The following TOM1L1 variants were observed in gnomAD, a reference collection of about 807,000 sequenced individuals.
TOM1L1 encodes the protein TOM1-like protein 1.
A neutral mutation model predicts 63.4 loss-of-function variants in TOM1L1; 64 were observed. The observed-to-expected ratio is 1.01, with a 90% CI of 0.83 to 1.24. The LOEUF is 1.24. Ranked by LOEUF, TOM1L1 falls within the 50% of genes most tolerant of loss-of-function variation. The pLI is 0.00. For synonymous variants in TOM1L1, 166 were observed against 194.4 expected (o/e 0.85, Z 1.22); for missense variants, 536 against 567.0 (o/e 0.95, Z 0.55).
rs558121231 is a variant in TOM1L1 at position 54,914,584 on chromosome 17, C to T, written c.499-55C>T. The T allele has an allele frequency of 2.6e-5, 38 of 1,441,228 alleles. No individual in the cohort carries two copies. The East Asian group carries it at 3.9e-4, about 15-fold the overall frequency. 89.3% of individuals were successfully genotyped at this position (1,441,228 alleles called of 1,614,324 possible). A position where few individuals can be genotyped will look rare whatever the true frequency, so the allele number is the denominator to read the frequency against. On this transcript the variant is annotated intron_variant, in intron 5 of 15. Coordinates refer to ENST00000575882, the MANE Select transcript of TOM1L1 (RefSeq NM_005486.3). Reference sequence around the variant, plus strand: ...AGTTAGCTGAATGGAAAAAACTTGGCGTTGGGTGGCTATGTTAATTCACAT... The same window carrying T: ...AGTTAGCTGAATGGAAAAAACTTGGTGTTGGGTGGCTATGTTAATTCACAT...
At chr17:54,961,009 A>T in intron 15 of TOM1L1, 1 of 563,120 alleles carries the variant, frequency 1.8e-6, no homozygotes, top group Non-Finnish European at 3.1e-6. Context: ...AATTTTTCCT[A>T]TTTTCAGCAC....
chr17:54,908,667 G>A (rs1358287304), intron 3 of TOM1L1, among the ~76,000 whole-genome samples: 1 of 152,124 alleles, frequency 6.6e-6, no homozygotes, highest in African/African-American at 2.4e-5. Context: ...ACCATCAGTC[G>A]GTGGAGCAGT....
At chr17:54,910,544 G>A (rs542295926) in intron 3 of TOM1L1, among the ~76,000 whole-genome samples, 7 of 152,300 alleles carry the variant, frequency 4.6e-5, no homozygotes, top group South Asian at 2.1e-4. Flanking sequence ...AGGTATTTGC[G>A]TAAGACGGTA....
At chr17:54,939,162 C>A in intron 11 of TOM1L1, 142 bp downstream of exon 11, 1 of 496,244 alleles carries the variant, frequency 2.0e-6, no homozygotes, top group Non-Finnish European at 3.4e-6. Context: ...TCACTTGAGC[C>A]CAGGAGTTTG....
At chr17:54,913,194 G>A (rs1327336358) in intron 4 of TOM1L1, among the ~76,000 whole-genome samples, 2 of 152,184 alleles carry the variant, frequency 1.3e-5, no homozygotes, top group African/African-American at 2.4e-5. Flanking sequence ...AAAAACAATT[G>A]ATAGTATATA....
chr17:54,917,424 A>G lies in TOM1L1; in HGVS notation c.720+1562A>G, dbSNP rs1159853819. 5.3e-5 allele frequency: 8 copies of G among 152,244 alleles called. No homozygotes were observed. In the East Asian group the frequency reaches 1.5e-3, roughly 29 times the overall value. 9.4% of individuals were successfully genotyped at this position (152,244 alleles called of 1,614,324 possible). On this transcript the variant is annotated intron_variant, in intron 7 of 15. Coordinates refer to ENST00000575882, the MANE Select transcript of TOM1L1 (RefSeq NM_005486.3). ...GTTGCTTATTCAGTCCTTCTAATAAATGTTTCAACAATTTCTTTCTATTAA... is the reference window on the plus strand; with the variant it reads ...GTTGCTTATTCAGTCCTTCTAATAAGTGTTTCAACAATTTCTTTCTATTAA...
intron 1 of TOM1L1, among the ~76,000 whole-genome samples, chr17:54,901,876 A>G (rs1207101830): frequency 6.6e-6 from 1 of 152,116 alleles, no homozygotes; most frequent in African/African-American, 2.4e-5. Flanking sequence ...GCTACCATTG[A>G]GGAGATGCTT....
intron 14 of TOM1L1, among the ~76,000 whole-genome samples, chr17:54,950,681 A>G (rs189700642): frequency 7.9e-5 from 12 of 152,310 alleles, no homozygotes; most frequent in Admixed American, 4.6e-4. Context: ...ACTGAAGGTT[A>G]CCCCCAAATT....
chr17:54,948,743 G>A (rs2049161248), intron 12 of TOM1L1, among the ~76,000 whole-genome samples: 1 of 152,220 alleles, frequency 6.6e-6, no homozygotes, highest in African/African-American at 2.4e-5. Context: ...CAGCTGGTAG[G>A]TGGCCAGGAT....
At chr17:54,903,835 G>C (rs371846988) in intron 2 of TOM1L1, 43 bp downstream of exon 2, 7 of 1,541,464 alleles carry the variant, frequency 4.5e-6, no homozygotes, top group Non-Finnish European at 6.3e-6. Flanking sequence ...CTGACAAGAA[G>C]CATCAGAACT....
rs1426162171 is a variant in TOM1L1 at position 54,930,174 on chromosome 17, G to C, written c.822G>C (p.Glu274Asp). 6.2e-7 allele frequency: 1 copy of C among 1,614,086 alleles called. No individual in the cohort carries two copies. Among genetic ancestry groups the C allele is most frequent in the African/African-American group, 1.3e-5 (1 of 75,026 alleles). ...DVTVELIQVNEDLNNAILGYE... is the reference protein window; with the variant it reads ...DVTVELIQVNDDLNNAILGYE... ...CTGTTGAGCTAATTCAGGTGAATGA[G>C]GATTTGAATAATGCTATCCTTGGAT... is the stretch of plus-strand genomic sequence containing the variant. Residue 274 changes from glutamate to aspartate, a missense_variant, in exon 8 of 16, where the codon GAG becomes GAC. Glu to Asp is a conservative substitution (Grantham distance 45, BLOSUM62 2). Coordinates refer to ENST00000575882, the MANE Select transcript of TOM1L1 (RefSeq NM_005486.3).
At chr17:54,905,371 A>T (rs2048392972) in intron 2 of TOM1L1, 118 bp from the exon 3 acceptor site, 4 of 681,122 alleles carry the variant, frequency 5.9e-6, no homozygotes, top group Non-Finnish European at 2.6e-6. Flanking sequence ...AGTAGAACCA[A>T]GGCCTTAGTT....
intron 11 of TOM1L1, among the ~76,000 whole-genome samples, chr17:54,941,941 C>A (rs958614708): frequency 2.0e-5 from 3 of 152,152 alleles, no homozygotes; most frequent in African/African-American, 7.2e-5. Flanking sequence ...TTGTGAGAGG[C>A]AAAATCAGCC....
rs1276153895 is a variant in TOM1L1, at chr17:54,905,526, T to C, written c.181T>C (p.Ser61Pro). The change falls in exon 3 of 16, where the codon TCC (serine) becomes CCC (proline). Residue 61 changes from serine (S) to proline (P), a missense_variant. Ser to Pro is a moderately conservative substitution (Grantham distance 74). Coordinates refer to ENST00000575882, the MANE Select transcript of TOM1L1 (RefSeq NM_005486.3). The part of the protein sequence containing the change: ...DAVKALKKRI[S>P]KNYNHKEIQL... Reference sequence around the variant, plus strand: ...AGTGAAAGCTTTGAAGAAAAGGATTTCCAAAAACTACAATCATAAAGAAAT... The same window carrying C: ...AGTGAAAGCTTTGAAGAAAAGGATTCCCAAAAACTACAATCATAAAGAAAT... 1 of 1,612,410 alleles carries C rather than the reference T, an allele frequency of 6.2e-7. No individual in the cohort carries two copies. The highest frequency in any genetic ancestry group is 8.5e-7 in the Non-Finnish European group (1 of 1,179,068).
intron 8 of TOM1L1, 84 bp downstream of exon 8, chr17:54,930,290 C>A (rs1328358724): frequency 6.4e-7 from 1 of 1,562,052 alleles, no homozygotes; most frequent in Non-Finnish European, 8.7e-7. Flanking sequence ...AGAGTGCCTA[C>A]AAGTGACCCC....
At chr17:54,952,005 T>G (rs2049259659) in intron 14 of TOM1L1, 1 of 152,210 alleles carries the variant, frequency 6.6e-6, no homozygotes, top group South Asian at 2.1e-4. Context: ...AGGGACACTG[T>G]ATCCAGAGAT....
intron 3 of TOM1L1, among the ~76,000 whole-genome samples, chr17:54,907,105 T>C (rs2048424154): frequency 6.6e-6 from 1 of 151,912 alleles, no homozygotes; most frequent in Non-Finnish European, 1.5e-5. Flanking sequence ...AAAGAAACCC[T>C]TCACATTGGG....
chr17:54,923,502 T>G (rs2048716534), intron 7 of TOM1L1, among the ~76,000 whole-genome samples: 1 of 151,738 alleles, frequency 6.6e-6, no homozygotes, highest in African/African-American at 2.4e-5. Flanking sequence ...ACTAATGAAT[T>G]TGAGTGTCTG....
intron 6 of TOM1L1, among the ~76,000 whole-genome samples, chr17:54,915,200 C>T (rs191458166): frequency 3.3e-5 from 5 of 152,156 alleles, no homozygotes; most frequent in African/African-American, 9.7e-5. Context: ...GGCTAATTTC[C>T]GTTCTGCTGT....
Sources: allele counts gnomAD v4.1 joint callset (sites outside exome capture counted in the v4.1 genomes callset), GRCh38; gene constraint gnomAD v4.1.1; transcripts MANE v1.5; gene names NCBI Gene and HGNC (gene_info 2026-07-23, HGNC 2026-07-21).